The following KIRREL3 variants were observed in gnomAD, a reference collection of about 807,000 sequenced individuals.
KIRREL3 encodes the protein kin of IRRE-like protein 3.
A neutral mutation model predicts 89.7 loss-of-function variants in KIRREL3; 36 were observed. The observed-to-expected ratio is 0.40, with a 90% CI of 0.31 to 0.53. The LOEUF (loss-of-function observed/expected upper bound fraction) is 0.53. KIRREL3 is among the 20% of genes least tolerant of loss of function. The pLI, the probability that KIRREL3 is intolerant of heterozygous loss-of-function variation, is 0.49. For synonymous variants in KIRREL3, 445 were observed against 441.4 expected (o/e 1.01, Z -0.10); for missense variants, 864 against 1,056.6 (o/e 0.82, Z 2.53).
chr11:126,799,075 C>T (rs896528643), intron 1 of KIRREL3, among the ~76,000 whole-genome samples: 6 of 143,356 alleles, frequency 4.2e-5, no homozygotes, highest in Non-Finnish European at 7.6e-5. Context: ...TGCACGTATT[C>T]GTGTGTGTGC....
At position 126,991,058 on chromosome 11, in the gene KIRREL3, G is replaced by C. The variant is rs1950021195; in HGVS notation, c.55+9397C>G. Reference sequence around the variant, plus strand: ...CTGTGACATTTGCAGGTGACTGACAGAAATGGGCACTGACATGCATTAAAG... The same window carrying C: ...CTGTGACATTTGCAGGTGACTGACACAAATGGGCACTGACATGCATTAAAG... On this transcript the variant is annotated intron_variant, in intron 1 of 16. Coordinates refer to ENST00000525144, the MANE Select transcript of KIRREL3 (RefSeq NM_032531.4). The surrounding 1 kb of genome is among the most constrained non-coding windows in gnomAD (Gnocchi z 5.8). Among the ~76,000 whole-genome samples, 2 of 152,214 alleles carry C rather than the reference G, an allele frequency of 1.3e-5. No homozygotes were observed. The highest frequency in any genetic ancestry group is 4.8e-5 in the African/African-American group (2 of 41,454).
chr11:126,753,090 G>T (rs868798390), intron 1 of KIRREL3, among the ~76,000 whole-genome samples: 2 of 152,206 alleles, frequency 1.3e-5, no homozygotes, highest in Non-Finnish European at 2.9e-5. Flanking sequence ...GGGATATGGG[G>T]TGAATGAACT....
rs961364910 is a variant in KIRREL3 at position 126,825,171 on chromosome 11, T to G, written c.55+175284A>C. Among the ~76,000 whole-genome samples the G allele has an allele frequency of 1.4e-4, 22 of 152,298 alleles. No individual in the cohort carries two copies. In the East Asian group the frequency reaches 4.3e-3, roughly 29 times the overall value. On this transcript the variant is annotated intron_variant, in intron 1 of 16. Coordinates refer to ENST00000525144, the MANE Select transcript of KIRREL3 (RefSeq NM_032531.4). ...CACCAACCAGTAGCTACAGGTAATGTGGCTGTATGTAGACCAATCAAAACG... is the reference window on the plus strand; with the variant it reads ...CACCAACCAGTAGCTACAGGTAATGGGGCTGTATGTAGACCAATCAAAACG...
intron 15 of KIRREL3, 84 bp from the exon 16 acceptor site, chr11:126,425,808 A>T (rs1954921321): frequency 8.8e-7 from 1 of 1,133,094 alleles, no homozygotes; most frequent in African/African-American, 1.5e-5. Context: ...TCAGAAACTC[A>T]AAAGATTGCC....
rs1565442921 is a variant in KIRREL3 at position 126,940,250 on chromosome 11, T to C, written c.55+60205A>G. ...CAAAAGCATCATAACTCATTTAACA[T>C]TGAGCCTATATCTTTTTAAATATAT... On this transcript the variant is annotated intron_variant, in intron 1 of 16. Coordinates refer to ENST00000525144, the MANE Select transcript of KIRREL3 (RefSeq NM_032531.4). The surrounding 1 kb of genome is among the most constrained non-coding windows in gnomAD (Gnocchi z 4.6). Among the ~76,000 whole-genome samples the C allele has an allele frequency of 6.6e-6, 1 of 152,234 alleles. No homozygotes were observed. The highest frequency in any genetic ancestry group is 1.5e-5 in the Non-Finnish European group (1 of 68,040).
chr11:127,001,321 G>GC (rs1296501813), upstream of KIRREL3, among the ~76,000 whole-genome samples: 2 of 136,512 alleles, frequency 1.5e-5, no homozygotes, highest in South Asian at 2.9e-4. Context: ...TGGTGGGGGG[G>GC]GGGGGTAGGT....
intron 1 of KIRREL3, among the ~76,000 whole-genome samples, chr11:126,727,608 G>A (rs899537364): frequency 6.6e-6 from 1 of 152,136 alleles, no homozygotes; most frequent in South Asian, 2.1e-4. Context: ...CCCTCGGGGG[G>A]GTCTGGCCCT....
rs951327722 is a variant in KIRREL3 at position 126,555,167 on chromosome 11, A to C, written c.133+7668T>G. On this transcript the variant is annotated intron_variant, in intron 2 of 16. Transcript: ENST00000525144. The surrounding 1 kb of genome is among the most constrained non-coding windows in gnomAD (Gnocchi z 4.2). ...TGGACACTGCTGTGGGGCCGCACAG[A>C]GCCTGCTTCTGCCAGAGATGAGTGA... Among the ~76,000 whole-genome samples the C allele has an allele frequency of 6.6e-6, 1 of 152,118 alleles. No homozygotes were observed. The highest frequency in any genetic ancestry group is 2.4e-5 in the African/African-American group (1 of 41,432).
rs539389303 is a variant in KIRREL3, at chr11:126,603,661, C to G, written c.56-40749G>C. On this transcript the variant is annotated intron_variant, in intron 1 of 16. Coordinates refer to ENST00000525144, the MANE Select transcript of KIRREL3 (RefSeq NM_032531.4). ...GCCTCAGTGCCCAGCGCTGCTGCAT[C>G]TGCTCTCTGGCAGCACATGGCTGCA... Among the ~76,000 whole-genome samples the G allele has an allele frequency of 2.4e-4, 37 of 152,370 alleles. No homozygotes were observed. The South Asian group carries it at 7.7e-3, about 32-fold the overall frequency.
At chr11:126,820,831 C>A (rs557553409) in intron 1 of KIRREL3, among the ~76,000 whole-genome samples, 1 of 152,134 alleles carries the variant, frequency 6.6e-6, no homozygotes, top group Non-Finnish European at 1.5e-5. Context: ...GGAGAGGATA[C>A]TTATCCCCCT....
In KIRREL3 at chr11:126,934,281, C is replaced by A. The variant is rs893785450; in HGVS notation, c.55+66174G>T. Among the ~76,000 whole-genome samples, 15 of 152,192 alleles carry A rather than the reference C, an allele frequency of 9.9e-5. No homozygotes were observed. The Middle Eastern group carries it at 0.01, about 104-fold the overall frequency. The stretch of plus-strand genomic sequence containing the variant: ...TCACAGGCAAAAATATGAACTTAGA[C>A]CCTGGCCTCATACCACAAGCACAAA... On this transcript the variant is annotated intron_variant, in intron 1 of 16. Coordinates refer to ENST00000525144, the MANE Select transcript of KIRREL3 (RefSeq NM_032531.4).
At chr11:126,679,847 C>G (rs541859743) in intron 1 of KIRREL3, among the ~76,000 whole-genome samples, 1 of 152,110 alleles carries the variant, frequency 6.6e-6, no homozygotes, top group South Asian at 2.1e-4. Context: ...ATTGGATGGC[C>G]AAAAAGTGAA....
rs1026028175 is a variant in KIRREL3, at chr11:126,687,343, C to A, written c.56-124431G>T. ...CAGAGAGGGAAAAATCAACGCATAC[C>A]TCCCAACATAACATCCCCAAATTTA... On this transcript the variant is annotated intron_variant, in intron 1 of 16. Coordinates refer to ENST00000525144, the MANE Select transcript of KIRREL3 (RefSeq NM_032531.4). The surrounding 1 kb of genome is among the most constrained non-coding windows in gnomAD (Gnocchi z 4.6). Among the ~76,000 whole-genome samples the A allele has an allele frequency of 1.3e-5, 2 of 152,152 alleles. No homozygotes were observed. The highest frequency in any genetic ancestry group is 4.8e-5 in the African/African-American group (2 of 41,420).
At chr11:126,509,712 TG>T (rs1407697516) in intron 4 of KIRREL3, among the ~76,000 whole-genome samples, 1 of 152,128 alleles carries the variant, frequency 6.6e-6, no homozygotes, top group Non-Finnish European at 1.5e-5. Flanking sequence ...GCACTCAAAT[TG>T]GGCCCAGCGT....
In KIRREL3 at chr11:126,605,216, G is replaced by T. The variant is rs1165360511; in HGVS notation, c.56-42304C>A. Among the ~76,000 whole-genome samples, 1 of 152,074 alleles carries T rather than the reference G, an allele frequency of 6.6e-6. No individual in the cohort carries two copies. ...AACTATATCTAGGGACCGACTCCTG[G>T]GATCTTACCAAGTCACATTTGCAGT... is the stretch of plus-strand genomic sequence containing the variant. On this transcript the variant is annotated intron_variant, in intron 1 of 16. Coordinates refer to ENST00000525144, the MANE Select transcript of KIRREL3 (RefSeq NM_032531.4). The surrounding 1 kb of genome is among the most constrained non-coding windows in gnomAD (Gnocchi z 5.7).
chr11:126,596,940 T>G (rs1440339972), intron 1 of KIRREL3, among the ~76,000 whole-genome samples: 3 of 152,202 alleles, frequency 2.0e-5, no homozygotes, highest in Admixed American at 6.5e-5. Flanking sequence ...TCTAGAATCT[T>G]TAAAGCAGCA....
At chr11:126,577,482 T>C (rs1050515419) in intron 1 of KIRREL3, among the ~76,000 whole-genome samples, 3 of 151,196 alleles carry the variant, frequency 2.0e-5, no homozygotes, top group Non-Finnish European at 4.4e-5. Flanking sequence ...TACAGTGGCT[T>C]ATGCTTGTAA....
intron 7 of KIRREL3, among the ~76,000 whole-genome samples, chr11:126,451,114 TG>T (rs1956104414): frequency 3.9e-5 from 1 of 25,560 alleles, no homozygotes; most frequent in African/African-American, 2.2e-4. Context: ...CATGTGTGCA[TG>T]TGTGTGTGTG....
rs1030758368 is a variant in KIRREL3 at position 126,797,068 on chromosome 11, G to A, written c.55+203387C>T. ...CACTATTGGAGGAGCTGTCTGTTGC[G>A]GGAGGGAAGAAGAAGCCTCATTCAG... On this transcript the variant is annotated intron_variant, in intron 1 of 16. Coordinates refer to ENST00000525144, the MANE Select transcript of KIRREL3 (RefSeq NM_032531.4). This position sits in a 1 kb window ranked among gnomAD's most constrained non-coding sequence, Gnocchi z 4.9. 3.9e-5 allele frequency among the ~76,000 whole-genome samples: 6 copies of A among 152,158 alleles called. No homozygotes were observed. Among genetic ancestry groups the A allele is most frequent in the African/African-American group, 1.4e-4 (6 of 41,432 alleles).
Sources: gnomAD v4.1 joint callset for allele counts (sites outside exome capture counted in the v4.1 genomes callset) on GRCh38, gnomAD v4.1.1 for gene constraint, Gnocchi (gnomAD v3.1) non-coding constraint, MANE v1.5 for transcripts, NCBI Gene and HGNC (gene_info 2026-07-23, HGNC 2026-07-21) for gene names.